The following BTBD10 variants were observed in gnomAD, a reference collection of about 807,000 sequenced individuals.
BTBD10 encodes BTB domain containing 10, also known as BTB/POZ domain-containing protein 10.
Under a neutral mutation model 53.2 loss-of-function variants are expected in BTBD10, and 21 were observed. The observed-to-expected ratio is 0.39, with a 90% confidence interval of 0.28 to 0.57. The LOEUF (loss-of-function observed/expected upper bound fraction) is 0.57. Among genes scored for constraint, BTBD10 ranks in the 20% least tolerant of loss-of-function variants. BTBD10 has a pLI of 0.53. For missense variants in BTBD10, 360 were observed against 594.7 expected, an observed-to-expected ratio of 0.61 and a Z score of 4.10; for synonymous variants, 149 against 192.7, an observed-to-expected ratio of 0.77 and a Z score of 1.88.
intron 8 of BTBD10, among the ~76,000 whole-genome samples, chr11:13,398,772 T>C (rs1473148391): frequency 2.0e-5 from 3 of 152,180 alleles, no homozygotes; most frequent in Non-Finnish European, 2.9e-5. Flanking sequence ...TGCTTGTCTG[T>C]AAAGGATTTT....
chr11:13,419,403 T>A, intron 4 of BTBD10, 57 bp downstream of exon 4: 1 of 1,564,336 alleles, frequency 6.4e-7, no homozygotes, highest in Non-Finnish European at 8.6e-7. Context: ...AACAAAAAAA[T>A]AATGGCAGTA....
chr11:13,435,126 A>G (rs1352882354), intron 2 of BTBD10, among the ~76,000 whole-genome samples: 4 of 152,228 alleles, frequency 2.6e-5, no homozygotes. Flanking sequence ...CAAATTTCGG[A>G]GTTGGCAGTC....
chr11:13,389,125 T>C lies in BTBD10; in HGVS notation c.1134A>G (p.Lys378=). ...CTCCAGGCCTTTTCTTTACTTTTTC[T>C]TTGTAGGTAGGATAACCTGAAAGAA... is the stretch of plus-strand genomic sequence containing the variant. ...RLGIEGYPTY[K]EKVKKRPGGR... The change falls in exon 9 of 9, where the codon AAA becomes AAG. Residue 378 remains lysine (K), a synonymous_variant. Coordinates refer to ENST00000278174, the MANE Select transcript of BTBD10 (RefSeq NM_032320.7). 6.2e-7 allele frequency: 1 copy of C among 1,611,196 alleles called. No individual in the cohort carries two copies. Among genetic ancestry groups the C allele is most frequent in the East Asian group, 2.2e-5 (1 of 44,838 alleles).
chr11:13,427,210 C>A (rs1025532190), intron 2 of BTBD10, among the ~76,000 whole-genome samples: 68 of 147,548 alleles, frequency 4.6e-4, no homozygotes, highest in African/African-American at 1.6e-3. Flanking sequence ...GAGGGAGACC[C>A]TGTCTTAAAA....
chr11:13,445,257 A>G (rs1950732022), intron 1 of BTBD10, 76 bp from the exon 2 acceptor site: 1 of 511,794 alleles, frequency 2.0e-6, no homozygotes, highest in African/African-American at 1.9e-5. Context: ...TACAGACTTG[A>G]TATTATTGTG....
At chr11:13,445,205 C>T in intron 1 of BTBD10, 24 bp from the exon 2 acceptor site, 1 of 901,012 alleles carries the variant, frequency 1.1e-6, no homozygotes, top group Non-Finnish European at 1.8e-6. Flanking sequence ...CAGTGTTGAC[C>T]TTTAAATCTA....
intron 2 of BTBD10, among the ~76,000 whole-genome samples, chr11:13,431,970 G>A (rs1479624325): frequency 6.6e-6 from 1 of 151,766 alleles, no homozygotes; most frequent in Non-Finnish European, 1.5e-5. Context: ...CAAAATCCAA[G>A]CCATTTTTTG....
intron 5 of BTBD10, among the ~76,000 whole-genome samples, chr11:13,415,099 A>G (rs1221505989): frequency 6.6e-6 from 1 of 150,598 alleles, no homozygotes; most frequent in African/African-American, 2.4e-5. Flanking sequence ...ACAAACTATC[A>G]ATCAAACCTT....
At chr11:13,437,714 C>G (rs771773510) in intron 2 of BTBD10, among the ~76,000 whole-genome samples, 14 of 152,140 alleles carry the variant, frequency 9.2e-5, no homozygotes, top group Non-Finnish European at 1.2e-4. Flanking sequence ...TTTTAACAAA[C>G]CTATCCCTAA....
intron 2 of BTBD10, among the ~76,000 whole-genome samples, chr11:13,426,612 T>C (rs1258304616): frequency 6.6e-6 from 1 of 152,170 alleles, no homozygotes; most frequent in Non-Finnish European, 1.5e-5. Context: ...GTAAGGTTTT[T>C]ACACCACACA....
intron 2 of BTBD10, among the ~76,000 whole-genome samples, chr11:13,425,751 A>T (rs10766082): frequency 0.61 from 92,909 of 152,014 alleles, 29,120 homozygotes; most frequent in Middle Eastern, 0.76. Flanking sequence ...ACATTTTTAA[A>T]AAATGATAAA....
intron 1 of BTBD10, among the ~76,000 whole-genome samples, chr11:13,447,333 T>C (rs963154527): frequency 1.3e-5 from 2 of 151,896 alleles, no homozygotes; most frequent in Non-Finnish European, 2.9e-5. Flanking sequence ...CATAACTCAC[T>C]GCAGTCTCCA....
intron 4 of BTBD10, among the ~76,000 whole-genome samples, chr11:13,419,097 T>C (rs537969653): frequency 2.6e-5 from 4 of 152,038 alleles, no homozygotes; most frequent in Non-Finnish European, 4.4e-5. Flanking sequence ...TATTTTGTGA[T>C]TGAATGGGAA....
chr11:13,444,622 C>T (rs1304372987), intron 2 of BTBD10, among the ~76,000 whole-genome samples: 2 of 152,070 alleles, frequency 1.3e-5, no homozygotes, highest in East Asian at 1.9e-4. Flanking sequence ...TAGTTAAAAA[C>T]GTATGAAGCA....
In BTBD10 at chr11:13,405,738, A is replaced by G. The variant is rs139063643; in HGVS notation, c.927T>C (p.His309=). 2.5e-6 allele frequency: 4 copies of G among 1,613,832 alleles called. No individual in the cohort carries two copies. In the African/African-American group the frequency reaches 5.3e-5, roughly 22 times the overall value. ...CATCATCATCTGTAAGCACCACTAT[A>G]TGACATTCCCGTTCCCCACTCTGGG... ...ASAQSGEREC[H]IVVLTDDDVV... Residue 309 remains histidine (H), a synonymous_variant, in exon 7 of 9, where the codon CAT becomes CAC. Transcript: ENST00000278174.
chr11:13,402,495 G>T (rs1202219612), intron 8 of BTBD10, among the ~76,000 whole-genome samples: 2 of 152,144 alleles, frequency 1.3e-5, no homozygotes, highest in African/African-American at 4.8e-5. Context: ...TAAGTCACAG[G>T]ATTTGAATAT....
At chr11:13,449,223 A>C (rs935590314) in intron 1 of BTBD10, among the ~76,000 whole-genome samples, 2 of 152,174 alleles carry the variant, frequency 1.3e-5, no homozygotes, top group African/African-American at 4.8e-5. Flanking sequence ...GTAATGATAA[A>C]TGGAAGAACA....
At chr11:13,390,624 A>G (rs992442532) in intron 8 of BTBD10, among the ~76,000 whole-genome samples, 1 of 152,168 alleles carries the variant, frequency 6.6e-6, no homozygotes, top group Non-Finnish European at 1.5e-5. Flanking sequence ...GGTGTGAGCC[A>G]CTGCGCCCAG....
intron 2 of BTBD10, among the ~76,000 whole-genome samples, chr11:13,428,292 GT>G (rs1950381972): frequency 6.6e-6 from 1 of 152,090 alleles, no homozygotes; most frequent in South Asian, 2.1e-4. Flanking sequence ...TTAATTTGTA[GT>G]TTAAAACATT....
Sources: gnomAD v4.1 joint callset for allele counts (sites outside exome capture counted in the v4.1 genomes callset) on GRCh38, gnomAD v4.1.1 for gene constraint, MANE v1.5 for transcripts, NCBI Gene and HGNC (gene_info 2026-07-23, HGNC 2026-07-21) for gene names.